Variants in PSMA8 observed in about 807,000 individuals in gnomAD.
PSMA8 encodes proteasome 20S subunit alpha 8, also known as proteasome subunit alpha-type 8.
Under a neutral mutation model 32.4 loss-of-function variants are expected in PSMA8, and 18 were observed. The observed-to-expected ratio is 0.56, with a 90% CI of 0.38 to 0.82. The LOEUF is 0.82. Ranked by LOEUF, PSMA8 falls within the 40% of genes least tolerant of loss-of-function variation. The pLI, the probability that PSMA8 is intolerant of heterozygous loss-of-function variation, is 0.00. For missense variants in PSMA8, 298 were observed against 300.7 expected (o/e 0.99, Z 0.07); for synonymous variants, 104 against 98.1 (o/e 1.06, Z -0.36).
intron 3 of PSMA8, 59 bp downstream of exon 3, chr18:26,152,041 C>A: frequency 3.5e-6 from 5 of 1,413,140 alleles, no homozygotes; most frequent in Non-Finnish European, 4.8e-6. Context: ...ATTATAAGTC[C>A]TATCATAGAA....
At chr18:26,146,046 TATAC>T (rs2144282251) in intron 2 of PSMA8, among the ~76,000 whole-genome samples, 1 of 152,328 alleles carries the variant, frequency 6.6e-6, no homozygotes, top group African/African-American at 2.4e-5. Context: ...TTTATATTCT[TATAC>T]ATGTGTACTG....
chr18:26,143,917 T>C (rs543096536), intron 1 of PSMA8, among the ~76,000 whole-genome samples: 1 of 152,122 alleles, frequency 6.6e-6, no homozygotes, highest in African/African-American at 2.4e-5. Context: ...AGACGGGGTT[T>C]CACCATGTTG....
chr18:26,135,254 G>A (rs906024102), intron 1 of PSMA8, among the ~76,000 whole-genome samples: 1 of 152,132 alleles, frequency 6.6e-6, no homozygotes, highest in African/African-American at 2.4e-5. Flanking sequence ...ATCTTCTAAG[G>A]CCTAGCCTAT....
At chr18:26,152,017 T>G in intron 3 of PSMA8, 35 bp downstream of exon 3, 2 of 1,552,788 alleles carry the variant, frequency 1.3e-6, no homozygotes, top group East Asian at 4.6e-5. Context: ...TGTTAAGCTT[T>G]CTCCTTTTTC....
intron 1 of PSMA8, among the ~76,000 whole-genome samples, chr18:26,138,827 G>A (rs2054932536): frequency 6.6e-6 from 1 of 152,204 alleles, no homozygotes; most frequent in African/African-American, 2.4e-5. Context: ...TATATGGATG[G>A]TGTTGACAGA....
In PSMA8 at chr18:26,185,150, T is replaced by C. The variant is rs534563011; in HGVS notation, c.660+6020T>C. 3.0e-4 allele frequency among the ~76,000 whole-genome samples: 43 copies of C among 143,764 alleles called. 1 individual carries two copies. The highest frequency in any genetic ancestry group is 1.1e-3 in the African/African-American group (42 of 38,664). The allele number at this position is 143,764 out of a possible 152,430, so 94.3% of individuals were successfully genotyped here. ...ATTTGAAAATTGTTTCTACTGAAAATGAAAATTCTCCTTGGAAAAAAATTA... is the reference window on the plus strand; with the variant it reads ...ATTTGAAAATTGTTTCTACTGAAAACGAAAATTCTCCTTGGAAAAAAATTA... On this transcript the variant is annotated intron_variant, in intron 6 of 6. Transcript: ENST00000415576.
chr18:26,165,010 C>G (rs542493377), intron 4 of PSMA8, among the ~76,000 whole-genome samples: 6 of 152,110 alleles, frequency 3.9e-5, no homozygotes, highest in Non-Finnish European at 8.8e-5. Flanking sequence ...CTCCACCTCC[C>G]AGGTTCAAGC....
chr18:26,145,091 T>G (rs1411955333), intron 2 of PSMA8, among the ~76,000 whole-genome samples: 1 of 152,184 alleles, frequency 6.6e-6, no homozygotes, highest in Non-Finnish European at 1.5e-5. Flanking sequence ...TGCATGTTCA[T>G]GTACATGTAT....
chr18:26,158,484 T>G (rs1475878969), intron 4 of PSMA8, among the ~76,000 whole-genome samples: 2 of 152,234 alleles, frequency 1.3e-5, no homozygotes, highest in African/African-American at 2.4e-5. Flanking sequence ...AATGGCCAAG[T>G]AAGAGAAATA....
intron 6 of PSMA8, 122 bp from the exon 7 acceptor site, chr18:26,192,197 T>C (rs2055409266): frequency 2.3e-6 from 2 of 888,814 alleles, no homozygotes; most frequent in Middle Eastern, 3.8e-4. Context: ...ATATTTGAAG[T>C]TACAAAATAT....
In PSMA8 at chr18:26,167,884, A is replaced by G. The variant is rs1386811778; in HGVS notation, c.477+9640A>G. On this transcript the variant is annotated intron_variant, in intron 4 of 6. Transcript: ENST00000415576. The stretch of plus-strand genomic sequence containing the variant: ...TTTTTATTAACAAGTGTAACTCTTT[A>G]TTAAGATGGAATTGTTCTTATTAAA... Among the ~76,000 whole-genome samples, 5 of 114,382 alleles carry G rather than the reference A, an allele frequency of 4.4e-5. 1 individual carries two copies. Among genetic ancestry groups the G allele is most frequent in the Admixed American group, 1.7e-4 (2 of 12,040 alleles). The allele number at this position is 114,382 out of a possible 152,430, so 75.0% of individuals were successfully genotyped here.
At chr18:26,159,686 T>C (rs2055119899) in intron 4 of PSMA8, among the ~76,000 whole-genome samples, 1 of 152,108 alleles carries the variant, frequency 6.6e-6, no homozygotes, top group Non-Finnish European at 1.5e-5. Flanking sequence ...TTATTTTATC[T>C]CAGTCAGGAA....
At chr18:26,184,949 G>T (rs1192569165) in intron 6 of PSMA8, among the ~76,000 whole-genome samples, 1 of 149,022 alleles carries the variant, frequency 6.7e-6, no homozygotes, top group East Asian at 2.0e-4. Flanking sequence ...TTAGCCAGGG[G>T]TGGTGGCTGG....
At chr18:26,165,488 A>G (rs1018704218) in intron 4 of PSMA8, among the ~76,000 whole-genome samples, 2 of 152,218 alleles carry the variant, frequency 1.3e-5, no homozygotes, top group African/African-American at 4.8e-5. Context: ...GGAAGTAAAG[A>G]TATTGCTTTT....
intron 2 of PSMA8, among the ~76,000 whole-genome samples, chr18:26,148,878 AC>A (rs1445571070): frequency 1.3e-5 from 2 of 151,984 alleles, no homozygotes. Context: ...ACAGGGTCTC[AC>A]TCTATCACTC....
chr18:26,136,572 G>A (rs1164136459), intron 1 of PSMA8, among the ~76,000 whole-genome samples: 3 of 152,110 alleles, frequency 2.0e-5, no homozygotes, highest in African/African-American at 7.2e-5. Flanking sequence ...AACAATCTCT[G>A]CACACTTGTC....
chr18:26,136,621 T>C (rs972713988), intron 1 of PSMA8, among the ~76,000 whole-genome samples: 6 of 152,230 alleles, frequency 3.9e-5, no homozygotes, highest in African/African-American at 1.4e-4. Context: ...TCCAGTCATC[T>C]TGGATCTTTG....
chr18:26,182,965 A>G (rs1429707403), intron 6 of PSMA8, among the ~76,000 whole-genome samples: 2 of 151,862 alleles, frequency 1.3e-5, no homozygotes, highest in Non-Finnish European at 2.9e-5. Flanking sequence ...GGTGGGGGGA[A>G]TCTGTAATCC....
chr18:26,165,804 G>C (rs1313098726), intron 4 of PSMA8, among the ~76,000 whole-genome samples: 2 of 152,008 alleles, frequency 1.3e-5, no homozygotes, highest in African/African-American at 4.8e-5. Context: ...GTTTAAATTT[G>C]AAAAACTACG....
Sources: allele counts gnomAD v4.1 joint callset (sites outside exome capture counted in the v4.1 genomes callset), GRCh38; gene constraint gnomAD v4.1.1; transcripts MANE v1.5; gene names NCBI Gene and HGNC (gene_info 2026-07-23, HGNC 2026-07-21).